The following RGS7 variants were observed in gnomAD, a reference collection of about 807,000 sequenced individuals.
The protein encoded by RGS7 is regulator of G-protein signaling 7.
Under a neutral mutation model 81.1 loss-of-function variants are expected in RGS7, and 27 were observed. That is an observed-to-expected ratio of 0.33 (90% CI 0.25 to 0.46). RGS7 has a LOEUF of 0.46. Among genes scored for constraint, RGS7 ranks in the 20% least tolerant of loss-of-function variants. The probability of loss-of-function intolerance (pLI) is 1.00; values close to 1 mark genes in which losing one functional copy is unlikely to be tolerated. For synonymous variants in RGS7, 208 were observed against 207.7 expected, an observed-to-expected ratio of 1.00 and a Z score of -0.01; for missense variants, 396 against 607.4, an observed-to-expected ratio of 0.65 and a Z score of 3.66.
chr1:240,902,612 C>T (rs1265572557), intron 6 of RGS7, among the ~76,000 whole-genome samples: 2 of 152,110 alleles, frequency 1.3e-5, no homozygotes, highest in Non-Finnish European at 2.9e-5. Context: ...AAAATAGAGA[C>T]AAACTTCCAC....
intron 2 of RGS7, among the ~76,000 whole-genome samples, chr1:241,198,749 A>C (rs2073269015): frequency 6.6e-6 from 1 of 152,192 alleles, no homozygotes. Context: ...ATTTTACCAA[A>C]CACATTTGGA....
chr1:241,066,781 C>T (rs191553333), intron 3 of RGS7, among the ~76,000 whole-genome samples: 1 of 152,302 alleles, frequency 6.6e-6, no homozygotes, highest in Admixed American at 6.5e-5. Context: ...TGCATTTGTG[C>T]AGAACATTCC....
chr1:241,000,097 T>TG (rs967145367), intron 3 of RGS7, among the ~76,000 whole-genome samples: 28 of 152,292 alleles, frequency 1.8e-4, no homozygotes, highest in Middle Eastern at 3.4e-3. Context: ...GAAGTCTCGA[T>TG]GCTCCCTTAG....
chr1:240,928,023 C>G (rs1558478006), intron 6 of RGS7, among the ~76,000 whole-genome samples: 1 of 152,160 alleles, frequency 6.6e-6, no homozygotes, highest in Non-Finnish European at 1.5e-5. Flanking sequence ...GATTTACTCT[C>G]TATGTAGAAA....
chr1:241,320,202 C>T (rs75079846), intron 2 of RGS7, among the ~76,000 whole-genome samples: 2,799 of 152,332 alleles, frequency 0.018, 82 homozygotes, highest in African/African-American at 0.064. Flanking sequence ...CTAATTCCAA[C>T]TCTGTGCCCT....
At chr1:241,086,773 C>G (rs964338251) in intron 3 of RGS7, among the ~76,000 whole-genome samples, 4 of 152,176 alleles carry the variant, frequency 2.6e-5, no homozygotes, top group African/African-American at 9.7e-5. Flanking sequence ...GGAGTCATCC[C>G]TCTGCACTTT....
intron 2 of RGS7, among the ~76,000 whole-genome samples, chr1:241,124,591 T>C (rs905083287): frequency 2.0e-5 from 3 of 152,218 alleles, no homozygotes; most frequent in African/African-American, 4.8e-5. Flanking sequence ...GGCGGTTCTA[T>C]TAAAACTGTG....
intron 6 of RGS7, among the ~76,000 whole-genome samples, chr1:240,902,377 A>G (rs574081595): frequency 6.6e-6 from 1 of 152,282 alleles, no homozygotes; most frequent in African/African-American, 2.4e-5. Context: ...TTAACTTAAA[A>G]TAAATATATT....
At chr1:240,834,441 G>T (rs769696317) in intron 9 of RGS7, among the ~76,000 whole-genome samples, 6 of 152,182 alleles carry the variant, frequency 3.9e-5, no homozygotes, top group Non-Finnish European at 8.8e-5. Flanking sequence ...GGCAGGTTGA[G>T]TAGAAGTCAC....
chr1:240,987,723 T>A (rs1685885097), intron 3 of RGS7, among the ~76,000 whole-genome samples: 1 of 151,382 alleles, frequency 6.6e-6, no homozygotes, highest in Non-Finnish European at 1.5e-5. Flanking sequence ...GAGGATGGGG[T>A]CTCGCTATGT....
At chr1:241,086,974 G>A (rs1352629721) in intron 3 of RGS7, among the ~76,000 whole-genome samples, 1 of 152,162 alleles carries the variant, frequency 6.6e-6, no homozygotes, top group Non-Finnish European at 1.5e-5. Context: ...GAACCTGAGT[G>A]AAATTCCACA....
intron 3 of RGS7, among the ~76,000 whole-genome samples, chr1:241,020,893 A>G (rs2059502725): frequency 6.6e-6 from 1 of 152,212 alleles, no homozygotes; most frequent in South Asian, 2.1e-4. Flanking sequence ...ACAATATTTT[A>G]TCCACAAAAG....
intron 7 of RGS7, 42 bp downstream of exon 7, chr1:240,870,013 G>A: frequency 6.6e-7 from 1 of 1,511,646 alleles, no homozygotes; most frequent in Non-Finnish European, 9.2e-7. Flanking sequence ...TTACTGCTGT[G>A]CATTCTATGA....
At chr1:240,817,762 C>A (rs1207890905) in intron 10 of RGS7, among the ~76,000 whole-genome samples, 1 of 152,080 alleles carries the variant, frequency 6.6e-6, no homozygotes, top group Non-Finnish European at 1.5e-5. Flanking sequence ...GCCACCACAC[C>A]CGGCTAATTT....
intron 2 of RGS7, among the ~76,000 whole-genome samples, chr1:241,283,514 C>T (rs1414778985): frequency 6.6e-6 from 1 of 151,988 alleles, no homozygotes; most frequent in Non-Finnish European, 1.5e-5. Flanking sequence ...ATTTTTCCCC[C>T]AGTAGGTAAG....
intron 2 of RGS7, among the ~76,000 whole-genome samples, chr1:241,228,150 T>C (rs1484495089): frequency 6.6e-6 from 1 of 152,200 alleles, no homozygotes; most frequent in African/African-American, 2.4e-5. Flanking sequence ...CTGACGCTGC[T>C]ATTTTGAAAA....
chr1:240,809,975 T>A (rs1689563703), intron 14 of RGS7, among the ~76,000 whole-genome samples: 1 of 152,204 alleles, frequency 6.6e-6, no homozygotes, highest in South Asian at 2.1e-4. Flanking sequence ...ATGAAATGAT[T>A]AAAGCTTGAA....
intron 3 of RGS7, 129 bp from the exon 4 acceptor site, chr1:240,983,258 A>G (rs925274233): frequency 1.8e-6 from 1 of 549,300 alleles, no homozygotes; most frequent in Admixed American, 3.3e-5. Context: ...TGACAGATTA[A>G]GGATCTACCC....
chr1:241,310,874 G>C (rs1032920626), intron 2 of RGS7, among the ~76,000 whole-genome samples: 6 of 152,172 alleles, frequency 3.9e-5, no homozygotes, highest in Non-Finnish European at 1.5e-5. Context: ...TTTCCCCAAA[G>C]AAGGCTACAC....
Sources: gnomAD v4.1 joint callset for allele counts (sites outside exome capture counted in the v4.1 genomes callset) on GRCh38, gnomAD v4.1.1 for gene constraint, MANE v1.5 for transcripts, NCBI Gene and HGNC (gene_info 2026-07-23, HGNC 2026-07-21) for gene names.